The following TDRD3 variants were observed in gnomAD, a reference collection of about 807,000 sequenced individuals.
TDRD3 encodes tudor domain containing 3.
TDRD3 carries 45 observed loss-of-function variants against 86.7 expected under a neutral mutation model. The ratio of observed to expected loss-of-function variants is 0.52; its 90% CI spans 0.41 to 0.67. TDRD3 has a LOEUF of 0.67. Among genes scored for constraint, TDRD3 ranks in the 30% least tolerant of loss-of-function variants. TDRD3 has a pLI of 0.00. For missense variants in TDRD3, 814 were observed against 889.0 expected (o/e 0.92, Z 1.07); for synonymous variants, 298 against 301.7 (o/e 0.99, Z 0.13).
chr13:60,524,324 T>C (rs1256068026), intron 10 of TDRD3, among the ~76,000 whole-genome samples: 24 of 151,816 alleles, frequency 1.6e-4, no homozygotes, highest in African/African-American at 4.8e-5. Context: ...CTGGCCAATA[T>C]GGTGAAACCC....
intron 12 of TDRD3, among the ~76,000 whole-genome samples, chr13:60,542,430 G>C (rs894565597): frequency 6.6e-6 from 1 of 152,136 alleles, no homozygotes; most frequent in African/African-American, 2.4e-5. Flanking sequence ...AATTGAAAAG[G>C]CATCCTTGTT....
chr13:60,460,598 G>A, intron 4 of TDRD3, 58 bp downstream of exon 4: 1 of 1,434,598 alleles, frequency 7.0e-7, no homozygotes, highest in Non-Finnish European at 9.2e-7. Flanking sequence ...CTATTCAATT[G>A]GAATAACTTA....
intron 1 of TDRD3, among the ~76,000 whole-genome samples, chr13:60,414,106 C>T (rs1483380455): frequency 6.6e-6 from 1 of 151,930 alleles, no homozygotes; most frequent in Non-Finnish European, 1.5e-5. Flanking sequence ...ATGTGTTGCC[C>T]TCCTCAAAAA....
rs138615685 is a variant in TDRD3 at position 60,488,075 on chromosome 13, A to G, written c.717+2127A>G. ...CTGCTGCTCACTGCACAGTAAGCCA[A>G]TCACTGAGACAATGAGTGTTGCCAG... On this transcript the variant is annotated intron_variant, in intron 7 of 13. Coordinates refer to ENST00000377881, the MANE Select transcript of TDRD3 (RefSeq NM_001146070.2). Among the ~76,000 whole-genome samples, 314 of 152,312 alleles carry G rather than the reference A, an allele frequency of 2.1e-3. 2 individuals carry two copies. The highest frequency in any genetic ancestry group is 7.2e-3 in the African/African-American group (299 of 41,578).
At chr13:60,464,411 C>G (rs1955869820) in intron 4 of TDRD3, among the ~76,000 whole-genome samples, 4 of 152,026 alleles carry the variant, frequency 2.6e-5, no homozygotes, top group Admixed American at 2.6e-4. Flanking sequence ...GATATATATT[C>G]AAAAGAAAGG....
At chr13:60,406,383 G>A (rs1243562627) in intron 1 of TDRD3, among the ~76,000 whole-genome samples, 3 of 152,008 alleles carry the variant, frequency 2.0e-5, no homozygotes, top group East Asian at 1.9e-4. Context: ...ATGAGTGTAA[G>A]GATCTCAGTA....
intron 10 of TDRD3, among the ~76,000 whole-genome samples, chr13:60,523,954 C>T (rs1373257001): frequency 2.0e-5 from 3 of 151,688 alleles, no homozygotes; most frequent in Non-Finnish European, 4.4e-5. Flanking sequence ...CCCATTTCTA[C>T]TTGTGCTTTT....
At chr13:60,432,922 A>G (rs1272509382) in intron 1 of TDRD3, among the ~76,000 whole-genome samples, 1 of 152,122 alleles carries the variant, frequency 6.6e-6, no homozygotes, top group East Asian at 1.9e-4. Flanking sequence ...GGTAGCAGAT[A>G]ATCAGGTGTA....
At chr13:60,502,581 T>C (rs574122579) in intron 8 of TDRD3, among the ~76,000 whole-genome samples, 1 of 152,288 alleles carries the variant, frequency 6.6e-6, no homozygotes, top group South Asian at 2.1e-4. Context: ...GAACCTCAGA[T>C]AAGATCTTTT....
At chr13:60,573,415 T>G (rs1423670149) in intron 13 of TDRD3, among the ~76,000 whole-genome samples, 2 of 152,228 alleles carry the variant, frequency 1.3e-5, no homozygotes, top group Non-Finnish European at 2.9e-5. Flanking sequence ...AAATTTATTT[T>G]CAAAAAAATT....
At chr13:60,534,502 A>T (rs1019601515) in intron 11 of TDRD3, among the ~76,000 whole-genome samples, 1 of 152,084 alleles carries the variant, frequency 6.6e-6, no homozygotes, top group Non-Finnish European at 1.5e-5. Flanking sequence ...TTCTTGCCTG[A>T]CATTCCTACT....
chr13:60,563,233 A>T (rs983496779), intron 12 of TDRD3, among the ~76,000 whole-genome samples: 11 of 42,856 alleles, frequency 2.6e-4, no homozygotes, highest in East Asian at 9.8e-4. Flanking sequence ...ATATCAATTT[A>T]AAAAAAAAAA....
intron 4 of TDRD3, among the ~76,000 whole-genome samples, chr13:60,464,565 TACACATACACACAC>T (rs199663484): frequency 0.011 from 1,693 of 152,048 alleles, 40 homozygotes; most frequent in African/African-American, 0.039. Context: ...TGTGTGTGTA[TACACATACACACAC>T]ACACATACAC....
At position 60,498,841 on chromosome 13, in the gene TDRD3, G is replaced by T. The variant is rs565356310; in HGVS notation, c.858+4266G>T. Among the ~76,000 whole-genome samples, 4 of 152,242 alleles carry T rather than the reference G, an allele frequency of 2.6e-5. No homozygotes were observed. In the South Asian group the frequency reaches 8.3e-4, roughly 32 times the overall value. On this transcript the variant is annotated intron_variant, in intron 8 of 13. Coordinates refer to ENST00000377881, the MANE Select transcript of TDRD3 (RefSeq NM_001146070.2). ...GGCTCAGCTGATGTTGATTCCAGGG[G>T]ACCCAAAATGTCACTGTGGTCCTCC...
chr13:60,467,619 A>C (rs1198005732), intron 5 of TDRD3, among the ~76,000 whole-genome samples: 2 of 152,228 alleles, frequency 1.3e-5, no homozygotes, highest in Admixed American at 1.3e-4. Flanking sequence ...GACAAGTTTC[A>C]AAACTGTCAA....
At chr13:60,531,386 AG>A (rs1325890313) in intron 11 of TDRD3, among the ~76,000 whole-genome samples, 1 of 152,200 alleles carries the variant, frequency 6.6e-6, no homozygotes, top group Non-Finnish European at 1.5e-5. Context: ...GAAAAAGTGA[AG>A]TAATTGGAAA....
At position 60,434,862 on chromosome 13, in the gene TDRD3, C is replaced by T. The variant is rs999595393; in HGVS notation, c.42-4826C>T. Reference sequence around the variant, plus strand: ...CCACCAGGTGGGTGTGCACAGGGACCGTAACTGGAGTGCCTGCTCCACTTT... The same window carrying T: ...CCACCAGGTGGGTGTGCACAGGGACTGTAACTGGAGTGCCTGCTCCACTTT... On this transcript the variant is annotated intron_variant, in intron 1 of 13. Coordinates refer to ENST00000377881, the MANE Select transcript of TDRD3 (RefSeq NM_001146070.2). Among the ~76,000 whole-genome samples, 9 of 152,080 alleles carry T rather than the reference C, an allele frequency of 5.9e-5. 1 individual carries two copies. The South Asian group carries it at 6.2e-4, about 10-fold the overall frequency.
intron 8 of TDRD3, among the ~76,000 whole-genome samples, chr13:60,505,345 C>A (rs1956913545): frequency 6.6e-6 from 1 of 152,200 alleles, no homozygotes; most frequent in African/African-American, 2.4e-5. Context: ...TGGGCAGAGT[C>A]CACCGCAGCT....
chr13:60,411,358 G>A (rs1398166366), intron 1 of TDRD3, among the ~76,000 whole-genome samples: 4 of 152,194 alleles, frequency 2.6e-5, no homozygotes, highest in Non-Finnish European at 5.9e-5. Flanking sequence ...AGAAATTATG[G>A]TGTGCCTACT....
Sources: gnomAD v4.1 joint callset for allele counts (sites outside exome capture counted in the v4.1 genomes callset) on GRCh38, gnomAD v4.1.1 for gene constraint, MANE v1.5 for transcripts, NCBI Gene and HGNC (gene_info 2026-07-23, HGNC 2026-07-21) for gene names.